Variants in YIPF1 observed in about 807,000 individuals in gnomAD.
YIPF1 encodes protein YIPF1.
In YIPF1, 22 loss-of-function variants were observed where a neutral mutation model predicts 37.0. The observed-to-expected ratio is 0.59, with a 90% CI of 0.42 to 0.85. The LOEUF (loss-of-function observed/expected upper bound fraction) is 0.85, where lower values mean the gene tolerates loss of function less well. Among genes scored for constraint, YIPF1 ranks in the 40% least tolerant of loss-of-function variants. The probability of loss-of-function intolerance (pLI) is 0.00; values close to 1 mark genes in which losing one functional copy is unlikely to be tolerated. For synonymous variants in YIPF1, 128 were observed against 131.9 expected (o/e 0.97, Z 0.21); for missense variants, 355 against 373.1 (o/e 0.95, Z 0.40).
Position 53,871,415 on chromosome 1 carries a change from A to C in YIPF1, c.438T>G (p.His146Gln). 6.2e-7 allele frequency: 1 copy of C among 1,614,172 alleles called. No homozygotes were observed. Among genetic ancestry groups the C allele is most frequent in the South Asian group, 1.1e-5 (1 of 91,084 alleles). Residue 146 changes from histidine (H) to glutamine (Q), a missense_variant, in exon 7 of 11, where the codon CAT (histidine) becomes CAG (glutamine). By Grantham distance (24) the His-to-Gln change is conservative (BLOSUM62 0). Transcript: ENST00000072644. ...CATAATGGTACGTCTTCTCTCCCAG[A>C]TGGATCAAGAAGTTGGAAAGATTCC... ...ISGNLSNFLI[H>Q]LGEKTYHYVP...
At chr1:53,872,724 A>G (rs962174310) in intron 6 of YIPF1, among the ~76,000 whole-genome samples, 6 of 152,218 alleles carry the variant, frequency 3.9e-5, no homozygotes, top group African/African-American at 1.4e-4. Flanking sequence ...GCAGAAACAG[A>G]TTAGTACTTT....
intron 9 of YIPF1, among the ~76,000 whole-genome samples, chr1:53,862,541 A>G (rs1438329071): frequency 3.3e-5 from 5 of 152,162 alleles, no homozygotes; most frequent in African/African-American, 1.2e-4. Flanking sequence ...GTGTTCTTGT[A>G]TAACTTAGAC....
chr1:53,868,646 TCA>T (rs1461400991), intron 7 of YIPF1, among the ~76,000 whole-genome samples: 1 of 152,184 alleles, frequency 6.6e-6, no homozygotes, highest in Non-Finnish European at 1.5e-5. Flanking sequence ...TTGGTCAAGG[TCA>T]CATAATTAAC....
intron 3 of YIPF1, among the ~76,000 whole-genome samples, chr1:53,884,885 C>CT (rs1475625344): frequency 6.6e-6 from 1 of 152,234 alleles, no homozygotes; most frequent in African/African-American, 2.4e-5. Context: ...GGCACCAGTC[C>CT]TAGCAGTAGG....
chr1:53,883,022 G>A (rs536372916), intron 4 of YIPF1, 91 bp downstream of exon 4: 3 of 1,404,632 alleles, frequency 2.1e-6, no homozygotes, highest in Non-Finnish European at 2.8e-6. Flanking sequence ...GTCATTGCCT[G>A]ACACTGTACC....
At chr1:53,867,016 CAT>C in intron 7 of YIPF1, 92 bp from the exon 8 acceptor site, 1 of 1,444,036 alleles carries the variant, frequency 6.9e-7, no homozygotes, top group Non-Finnish European at 9.3e-7. Flanking sequence ...TAAATGCTAA[CAT>C]GTCAATTGAC....
chr1:53,881,815 C>T (rs753515034), intron 4 of YIPF1, among the ~76,000 whole-genome samples: 1 of 152,086 alleles, frequency 6.6e-6, no homozygotes, highest in African/African-American at 2.4e-5. Context: ...TCCTCAAAGA[C>T]CTAGAGGCAG....
chr1:53,868,740 A>G (rs568403887), intron 7 of YIPF1, among the ~76,000 whole-genome samples: 5 of 152,318 alleles, frequency 3.3e-5, no homozygotes, highest in African/African-American at 1.2e-4. Flanking sequence ...GATAGGGCCA[A>G]TGACTACTTT....
chr1:53,854,243 C>A (rs184922312), intron 10 of YIPF1, among the ~76,000 whole-genome samples: 2 of 120,198 alleles, frequency 1.7e-5, no homozygotes, highest in African/African-American at 3.2e-5. Context: ...CAGAGTGAGA[C>A]TCTGTCTGAA....
intron 6 of YIPF1, among the ~76,000 whole-genome samples, chr1:53,872,000 G>A (rs1336315243): frequency 6.9e-6 from 1 of 144,416 alleles, no homozygotes; most frequent in Non-Finnish European, 1.5e-5. Flanking sequence ...GTTGTGTTGA[G>A]TGTCAGTGTG....
At chr1:53,886,725 T>C (rs1650663888) in intron 3 of YIPF1, 1 of 151,802 alleles carries the variant, frequency 6.6e-6, no homozygotes, top group Non-Finnish European at 1.5e-5. Context: ...CCCAATCCTT[T>C]AGGAAAAAAA....
At chr1:53,883,713 T>C (rs556086196) in intron 3 of YIPF1, among the ~76,000 whole-genome samples, 1 of 152,346 alleles carries the variant, frequency 6.6e-6, no homozygotes, top group African/African-American at 2.4e-5. Context: ...TAAGTCTACA[T>C]AATCACTACA....
intron 4 of YIPF1, among the ~76,000 whole-genome samples, chr1:53,879,664 G>C (rs905238190): frequency 6.6e-6 from 1 of 152,194 alleles, no homozygotes; most frequent in Non-Finnish European, 1.5e-5. Flanking sequence ...AAAAAGTACG[G>C]TGAACACTGA....
intron 6 of YIPF1, among the ~76,000 whole-genome samples, chr1:53,872,826 C>T (rs1050017366): frequency 2.0e-5 from 3 of 152,194 alleles, no homozygotes; most frequent in East Asian, 1.9e-4. Flanking sequence ...TAGCTCTCCA[C>T]AAACTGCCTC....
At chr1:53,878,230 A>G in intron 6 of YIPF1, 85 bp downstream of exon 6, 1 of 1,311,830 alleles carries the variant, frequency 7.6e-7, no homozygotes, top group Non-Finnish European at 1.1e-6. Context: ...CCCCACCAAT[A>G]GTGCAGTTCT....
In YIPF1 at chr1:53,878,693, G is replaced by T. The variant is rs184195991; in HGVS notation, c.225C>A (p.Pro75=). ...TTTGGTAGTATTCAAATGTCCAGAA[G>T]GGGGAGCTTTTCTTCTGTCCAGCAA... The part of the protein sequence containing the change: ...ELLAGQKKSS[P]FWTFEYYQTF... The change falls in exon 5 of 11, where the codon CCC becomes CCA. Residue 75 remains proline, a synonymous_variant. Coordinates refer to ENST00000072644, the MANE Select transcript of YIPF1 (RefSeq NM_018982.5). 4 of 1,597,468 alleles carry T rather than the reference G, an allele frequency of 2.5e-6. No homozygotes were observed. Among genetic ancestry groups the T allele is most frequent in the East Asian group, 4.5e-5 (2 of 44,828 alleles).
intron 9 of YIPF1, among the ~76,000 whole-genome samples, chr1:53,861,926 A>G (rs1347060806): frequency 6.6e-6 from 1 of 152,194 alleles, no homozygotes; most frequent in Non-Finnish European, 1.5e-5. Context: ...AGGGACAAGA[A>G]TTGCTTCAGC....
intron 6 of YIPF1, among the ~76,000 whole-genome samples, chr1:53,874,178 G>A (rs1650273387): frequency 6.6e-6 from 1 of 152,040 alleles, no homozygotes; most frequent in South Asian, 2.1e-4. Flanking sequence ...TGATATAAAA[G>A]GCCCCAGGAT....
chr1:53,887,155 C>T (rs1650676261), intron 3 of YIPF1, among the ~76,000 whole-genome samples: 1 of 151,876 alleles, frequency 6.6e-6, no homozygotes, highest in South Asian at 2.1e-4. Context: ...GGTGCGATCT[C>T]GGTTCACTGC....
Sources: allele counts gnomAD v4.1 joint callset (sites outside exome capture counted in the v4.1 genomes callset), GRCh38; gene constraint gnomAD v4.1.1; transcripts MANE v1.5; gene names NCBI Gene and HGNC (gene_info 2026-07-23, HGNC 2026-07-21).